Variants in CPT1A observed in about 807,000 individuals in gnomAD.
The protein encoded by CPT1A is carnitine palmitoyltransferase 1A.
CPT1A carries 64 observed loss-of-function variants against 100.8 expected under a neutral mutation model. The observed-to-expected ratio is 0.63, with a 90% CI of 0.52 to 0.78. The LOEUF (loss-of-function observed/expected upper bound fraction) is 0.78. Among genes scored for constraint, CPT1A ranks in the 30% least tolerant of loss-of-function variants. The pLI is 0.00. For synonymous variants in CPT1A, 363 were observed against 396.0 expected (o/e 0.92, Z 0.99); for missense variants, 802 against 1,034.1 (o/e 0.78, Z 3.08).
chr11:68,800,634 C>G (rs1855882435), intron 5 of CPT1A, among the ~76,000 whole-genome samples: 1 of 152,028 alleles, frequency 6.6e-6, no homozygotes, highest in African/African-American at 2.4e-5. Flanking sequence ...CCACTGCATT[C>G]CAGCCTGGGT....
intron 7 of CPT1A, 69 bp from the exon 8 acceptor site, chr11:68,794,980 A>T (rs926687912): frequency 8.7e-7 from 1 of 1,147,722 alleles, no homozygotes; most frequent in Non-Finnish European, 1.3e-6. Flanking sequence ...ATCACAGCAC[A>T]TCCTGCACAC....
At position 68,793,635 on chromosome 11, in the gene CPT1A, A is replaced by G. The variant is rs186788807; in HGVS notation, c.880-233T>C. 3.9e-3 allele frequency among the ~76,000 whole-genome samples: 594 copies of G among 151,940 alleles called. 7 individuals carry two copies. Among genetic ancestry groups the G allele is most frequent in the Non-Finnish European group, 5.5e-3 (374 of 67,966 alleles). ...GTGTCGGGTGCCTGTAGTCCCAGCT[A>G]CTTGGGAGGTTGAGGCAGGAGAATG... On this transcript the variant is annotated intron_variant, in intron 8 of 18. Coordinates refer to ENST00000265641, the MANE Select transcript of CPT1A (RefSeq NM_001876.4).
chr11:68,761,207 T>G (rs1946803051), intron 16 of CPT1A, among the ~76,000 whole-genome samples: 1 of 149,926 alleles, frequency 6.7e-6, no homozygotes, highest in African/African-American at 2.5e-5. Flanking sequence ...TTTCATAAAC[T>G]TACAATAAAA....
intron 3 of CPT1A, 133 bp from the exon 4 acceptor site, chr11:68,807,771 A>T: frequency 2.4e-6 from 2 of 826,856 alleles, no homozygotes; most frequent in South Asian, 2.9e-5. Context: ...GGAAAGTCAG[A>T]GGGAGAGCAC....
rs1194072006 is a variant in CPT1A at position 68,828,730 on chromosome 11, G to A, written c.-14+13045C>T. 6.6e-5 allele frequency among the ~76,000 whole-genome samples: 5 copies of A among 75,308 alleles called. No individual in the cohort carries two copies. In the Admixed American group the frequency reaches 7.3e-4, roughly 11 times the overall value. 49.4% of individuals were successfully genotyped at this position (75,308 alleles called of 152,430 possible). A position where few individuals can be genotyped will look rare whatever the true frequency, so the allele number is the denominator to read the frequency against. The stretch of plus-strand genomic sequence containing the variant: ...GGGTGGCAGGGGCATGGCATGGCCT[G>A]AGGCTTGGGCAAGCGTCCGCCTCCT... On this transcript the variant is annotated intron_variant, in intron 1 of 18. Transcript: ENST00000265641.
intron 1 of CPT1A, among the ~76,000 whole-genome samples, chr11:68,818,323 G>A (rs929144731): frequency 7.2e-5 from 11 of 152,228 alleles, no homozygotes; most frequent in African/African-American, 1.4e-4. Flanking sequence ...AGGGAAGGAG[G>A]CAGGCTGGGG....
chr11:68,791,715 TA>T (rs1302783560), intron 9 of CPT1A, among the ~76,000 whole-genome samples: 1 of 151,974 alleles, frequency 6.6e-6, no homozygotes, highest in Non-Finnish European at 1.5e-5. Flanking sequence ...TTTGTATTTT[TA>T]GTAGAGATGG....
chr11:68,776,095 A>G (rs1238316151), intron 12 of CPT1A, among the ~76,000 whole-genome samples: 1 of 152,242 alleles, frequency 6.6e-6, no homozygotes, highest in Non-Finnish European at 1.5e-5. Flanking sequence ...CCTTGAAAAC[A>G]TTATGCTGAG....
chr11:68,769,403 AT>A (rs528320899), intron 14 of CPT1A, among the ~76,000 whole-genome samples: 22,696 of 133,250 alleles, frequency 0.17, 1,537 homozygotes, highest in Middle Eastern at 0.24. Context: ...TGCTGGGCTA[AT>A]TTTTTTTTTT....
chr11:68,832,035 C>G (rs189745388), intron 1 of CPT1A, among the ~76,000 whole-genome samples: 1 of 152,264 alleles, frequency 6.6e-6, no homozygotes, highest in East Asian at 1.9e-4. Context: ...ATTTAATTCC[C>G]ACTAGCACCC....
chr11:68,802,391 C>T (rs966327587), intron 5 of CPT1A, among the ~76,000 whole-genome samples: 3 of 147,506 alleles, frequency 2.0e-5, no homozygotes, highest in Non-Finnish European at 3.0e-5. Context: ...CTCAGGGGTT[C>T]AACACGAGCC....
chr11:68,827,702 C>T (rs1402406604), intron 1 of CPT1A, among the ~76,000 whole-genome samples: 1 of 152,070 alleles, frequency 6.6e-6, no homozygotes, highest in East Asian at 1.9e-4. Context: ...ATAGATACAA[C>T]CTCCTCTCCC....
chr11:68,778,275 G>A (rs1021498996), intron 12 of CPT1A, among the ~76,000 whole-genome samples: 3 of 152,064 alleles, frequency 2.0e-5, no homozygotes, highest in Admixed American at 6.6e-5. Context: ...GGGAAGTGAG[G>A]TCAGCTGAGA....
At chr11:68,817,908 G>A (rs1387366184) in intron 1 of CPT1A, among the ~76,000 whole-genome samples, 1 of 152,110 alleles carries the variant, frequency 6.6e-6, no homozygotes, top group Non-Finnish European at 1.5e-5. Flanking sequence ...GGGGTCGACA[G>A]GGTGTCTGGG....
chr11:68,792,975 G>A (rs112813742), intron 9 of CPT1A, among the ~76,000 whole-genome samples: 11 of 152,310 alleles, frequency 7.2e-5, no homozygotes, highest in African/African-American at 2.4e-4. Context: ...TTGAGCTCAG[G>A]AGGTGGAGGC....
intron 9 of CPT1A, among the ~76,000 whole-genome samples, chr11:68,787,790 A>G (rs1855506344): frequency 6.6e-6 from 1 of 151,998 alleles, no homozygotes; most frequent in Non-Finnish European, 1.5e-5. Flanking sequence ...AAAAAATTAC[A>G]AAAATTAGCC....
At chr11:68,825,650 C>A (rs996005892) in intron 1 of CPT1A, among the ~76,000 whole-genome samples, 2 of 152,112 alleles carry the variant, frequency 1.3e-5, no homozygotes, top group Non-Finnish European at 2.9e-5. Flanking sequence ...GGGCCTCCCC[C>A]CAGTGCCCGC....
At chr11:68,780,789 C>T (rs773150822) in intron 11 of CPT1A, 44 bp from the exon 12 acceptor site, 35 of 1,471,176 alleles carry the variant, frequency 2.4e-5, no homozygotes, top group Non-Finnish European at 3.2e-5. Context: ...TTTAAAGAGG[C>T]AACAATGAGG....
intron 14 of CPT1A, among the ~76,000 whole-genome samples, chr11:68,763,441 TTGCCTGGAGCAATTCCAC>T (rs1594318511): frequency 6.6e-6 from 1 of 152,146 alleles, no homozygotes; most frequent in Admixed American, 6.5e-5. Context: ...ACACAACGTA[TTGCCTGGAGCAATTCCAC>T]TGCGTCTGGA....
Sources: allele counts gnomAD v4.1 joint callset (sites outside exome capture counted in the v4.1 genomes callset), GRCh38; gene constraint gnomAD v4.1.1; transcripts MANE v1.5; gene names NCBI Gene and HGNC (gene_info 2026-07-23, HGNC 2026-07-21).